MIS18BP1: variants seen among roughly 807,000 people sequenced by gnomAD.
MIS18BP1 encodes the protein mis18-binding protein 1.
In MIS18BP1, 72 loss-of-function variants were observed where a neutral mutation model predicts 116.1. The observed-to-expected ratio is 0.62, with a 90% CI of 0.51 to 0.75. The LOEUF is 0.75. MIS18BP1 is among the 30% of genes least tolerant of loss of function. MIS18BP1 has a pLI of 0.00. For synonymous variants in MIS18BP1, 386 were observed against 427.0 expected (o/e 0.90, Z 1.18); for missense variants, 1,363 against 1,303.2 (o/e 1.05, Z -0.71).
At chr14:45,209,018 A>G (rs1243766885) in intron 14 of MIS18BP1, among the ~76,000 whole-genome samples, 3 of 151,816 alleles carry the variant, frequency 2.0e-5, no homozygotes, top group Non-Finnish European at 4.4e-5. Flanking sequence ...AATTTTATTT[A>G]TTTATATGTT....
chr14:45,241,226 T>C (rs1891566111), intron 4 of MIS18BP1, among the ~76,000 whole-genome samples: 1 of 152,208 alleles, frequency 6.6e-6, no homozygotes, highest in Non-Finnish European at 1.5e-5. Context: ...TCCCGGCACT[T>C]TGGGAGGCCG....
rs1352502216 is a variant in MIS18BP1, at chr14:45,203,195, T to C, written c.*914A>G. Reference sequence around the variant, plus strand: ...AACAAAAAACAAGAAACAAATACTATAAAAGCAAACTAACTTTATTTGAAT... The same window carrying C: ...AACAAAAAACAAGAAACAAATACTACAAAAGCAAACTAACTTTATTTGAAT... On this transcript the variant is annotated 3_prime_UTR_variant, in exon 17 of 17. Coordinates refer to ENST00000310806, the MANE Select transcript of MIS18BP1 (RefSeq NM_018353.5). 6.6e-6 allele frequency: 1 copy of C among 152,074 alleles called. No individual in the cohort carries two copies. Among genetic ancestry groups the C allele is most frequent in the African/African-American group, 2.4e-5 (1 of 41,490 alleles). The allele number at this position is 152,074 out of a possible 1,614,324, so 9.4% of individuals were successfully genotyped here.
Position 45,232,740 on chromosome 14 carries a change from G to C in MIS18BP1, c.1429C>G (p.Gln477Glu), listed in dbSNP as rs1191360924. The change falls in exon 7 of 17, where the codon CAA becomes GAA. Residue 477 changes from glutamine (Q) to glutamate (E), a missense_variant. By Grantham distance (29) the Gln-to-Glu change is conservative (BLOSUM62 2). Coordinates refer to ENST00000310806, the MANE Select transcript of MIS18BP1 (RefSeq NM_018353.5). ...CATAAAACAACATTTTACCTTAATT[G>C]TTCCAGAAAATTATCAATGTGCTCT... is the stretch of plus-strand genomic sequence containing the variant. Reference protein sequence around the residue: ...WKEHIDNFLEQLRAGEKNREK... With the variant: ...WKEHIDNFLEELRAGEKNREK... 7 of 1,440,486 alleles carry C rather than the reference G, an allele frequency of 4.9e-6. No homozygotes were observed. The highest frequency in any genetic ancestry group is 6.6e-6 in the Non-Finnish European group (7 of 1,057,062). 89.2% of individuals were successfully genotyped at this position (1,440,486 alleles called of 1,614,324 possible). A position where few individuals can be genotyped will look rare whatever the true frequency, so the allele number is the denominator to read the frequency against.
rs778773807 is a variant in MIS18BP1, at chr14:45,224,165, T to C, written c.2422A>G (p.Arg808Gly). ...ATCACTGGAATATTACTTGTGTTTC[T>C]TGTGCTCTTTCTCAGGTGAACCACT... ...EAVVHLRKST[R>G]NTSNIPVILE... Residue 808 changes from arginine (R) to glycine (G), a missense_variant, in exon 11 of 17, where the codon AGA becomes GGA. Arg to Gly is a moderately radical substitution (Grantham distance 125). Coordinates refer to ENST00000310806, the MANE Select transcript of MIS18BP1 (RefSeq NM_018353.5). The C allele has an allele frequency of 3.1e-6, 5 of 1,614,024 alleles. No individual in the cohort carries two copies. Among genetic ancestry groups the C allele is most frequent in the Non-Finnish European group, 4.2e-6 (5 of 1,179,990 alleles).
intron 1 of MIS18BP1, chr14:45,250,286 G>T (rs932853021): frequency 3.3e-5 from 5 of 151,914 alleles, no homozygotes; most frequent in African/African-American, 1.2e-4. Flanking sequence ...TATAAGCCAA[G>T]AAAAAAATCG....
chr14:45,241,780 A>C (rs1891580807), intron 4 of MIS18BP1: 1 of 318,628 alleles, frequency 3.1e-6, no homozygotes, highest in Non-Finnish European at 5.7e-6. Context: ...ATTATTGAAG[A>C]CTACACAACT....
chr14:45,242,401 G>C lies in MIS18BP1; in HGVS notation c.776C>G (p.Ala259Gly). The C allele has an allele frequency of 4.3e-6, 7 of 1,614,010 alleles. No homozygotes were observed. The highest frequency in any genetic ancestry group is 2.2e-5 in the East Asian group (1 of 44,870). The part of the protein sequence containing the change: ...QIFHSKESIV[A>G]TTKSKKDTFV... ...CGTGTCCTTTTTGGATTTAGTGGTTGCAACTATACTCTCCTTTGAGTGAAA... is the reference window on the plus strand; with the variant it reads ...CGTGTCCTTTTTGGATTTAGTGGTTCCAACTATACTCTCCTTTGAGTGAAA... Residue 259 changes from alanine (A) to glycine (G), a missense_variant, in exon 4 of 17, where the codon GCA becomes GGA. Transcript: ENST00000310806.
In MIS18BP1 at chr14:45,231,293, C is replaced by A. The variant is rs1405053750; in HGVS notation, c.1442G>T (p.Gly481Val). Residue 481 changes from glycine to valine, a missense_variant, in exon 8 of 17, where the codon GGT becomes GTT. Transcript: ENST00000310806. ...IDNFLEQLRA[G>V]EKNREKTKQK... is the part of the protein sequence containing the mutation. ...TTTGGTCTTTTCCCTGTTCTTTTCACCAGCCCTTTAAAAACAATTATTTTA... is the reference window on the plus strand; with the variant it reads ...TTTGGTCTTTTCCCTGTTCTTTTCAACAGCCCTTTAAAAACAATTATTTTA... 1.1e-5 allele frequency: 18 copies of A among 1,580,758 alleles called. No homozygotes were observed. The highest frequency in any genetic ancestry group is 1.5e-5 in the Non-Finnish European group (18 of 1,166,906).
intron 11 of MIS18BP1, among the ~76,000 whole-genome samples, chr14:45,221,569 A>G (rs541265844): frequency 5.9e-5 from 9 of 152,312 alleles, no homozygotes; most frequent in Admixed American, 2.0e-4. Context: ...AAATTTTCCT[A>G]TCTTTATTTT....
intron 11 of MIS18BP1, among the ~76,000 whole-genome samples, chr14:45,222,875 T>C (rs1281650454): frequency 6.6e-6 from 1 of 152,238 alleles, no homozygotes; most frequent in Non-Finnish European, 1.5e-5. Context: ...TGAATTTTTG[T>C]CCAGTACCAA....
chr14:45,229,274 G>A (rs958820060), intron 8 of MIS18BP1, among the ~76,000 whole-genome samples: 3 of 152,082 alleles, frequency 2.0e-5, no homozygotes, highest in African/African-American at 7.2e-5. Context: ...GGGAGGCCAA[G>A]GTGGGAGGAC....
At chr14:45,214,871 C>G (rs1056983014) in intron 13 of MIS18BP1, among the ~76,000 whole-genome samples, 3 of 152,324 alleles carry the variant, frequency 2.0e-5, no homozygotes, top group Admixed American at 6.5e-5. Context: ...CTCACCTCAG[C>G]ATCCCCAGTA....
chr14:45,205,859 A>G (rs533149568), intron 15 of MIS18BP1, among the ~76,000 whole-genome samples: 24 of 152,118 alleles, frequency 1.6e-4, no homozygotes, highest in Non-Finnish European at 3.4e-4. Context: ...CCAAAAATCA[A>G]AGTTTTTAGC....
intron 14 of MIS18BP1, among the ~76,000 whole-genome samples, chr14:45,206,708 G>A (rs766942093): frequency 2.0e-5 from 3 of 152,172 alleles, no homozygotes; most frequent in Non-Finnish European, 2.9e-5. Context: ...TACTGATCAA[G>A]ACTATTTTGG....
At chr14:45,207,665 C>A (rs1890555328) in intron 14 of MIS18BP1, among the ~76,000 whole-genome samples, 2 of 152,126 alleles carry the variant, frequency 1.3e-5, no homozygotes, top group Non-Finnish European at 2.9e-5. Context: ...AACAAATGAA[C>A]AGGCCTAGCC....
At chr14:45,204,286 G>C in intron 16 of MIS18BP1, 74 bp from the exon 17 acceptor site, 1 of 1,533,502 alleles carries the variant, frequency 6.5e-7, no homozygotes, top group Non-Finnish European at 8.8e-7. Context: ...ACAACTATAA[G>C]GAATAAAATG....
At chr14:45,220,103 CT>C (rs11339012) in intron 11 of MIS18BP1, among the ~76,000 whole-genome samples, 31,644 of 149,166 alleles carry the variant, frequency 0.21, 4,906 homozygotes, top group African/African-American at 0.44. Context: ...ATTTACCTTT[CT>C]TTTTTTTTTA....
intron 10 of MIS18BP1, among the ~76,000 whole-genome samples, chr14:45,226,362 T>TA (rs558089320): frequency 1.3e-3 from 192 of 152,332 alleles, no homozygotes; most frequent in Non-Finnish European, 2.5e-3. Flanking sequence ...CGAAAGCCTC[T>TA]AAATTATGGC....
At chr14:45,205,150 T>C (rs1424772681) in intron 15 of MIS18BP1, among the ~76,000 whole-genome samples, 1 of 152,142 alleles carries the variant, frequency 6.6e-6, no homozygotes, top group African/African-American at 2.4e-5. Context: ...TTTTAAGAAA[T>C]TTTTGAGATA....
Sources: gnomAD v4.1 joint callset for allele counts (sites outside exome capture counted in the v4.1 genomes callset) on GRCh38, gnomAD v4.1.1 for gene constraint, MANE v1.5 for transcripts, NCBI Gene and HGNC (gene_info 2026-07-23, HGNC 2026-07-21) for gene names.